The following MTA2 variants were observed in gnomAD, a reference collection of about 807,000 sequenced individuals.
MTA2 encodes the protein metastasis associated 1 family member 2, also known as metastasis-associated protein MTA2.
MTA2 carries 22 observed loss-of-function variants against 87.1 expected under a neutral mutation model. The ratio of observed to expected loss-of-function variants is 0.25; its 90% CI spans 0.18 to 0.36. MTA2 has a LOEUF of 0.36. Among genes scored for constraint, MTA2 ranks in the 10% least tolerant of loss-of-function variants. The pLI is 1.00. For missense variants in MTA2, 542 were observed against 853.2 expected, an observed-to-expected ratio of 0.64 and a Z score of 4.54; for synonymous variants, 314 against 310.1, an observed-to-expected ratio of 1.01 and a Z score of -0.13.
At chr11:62,600,498 A>C in intron 2 of MTA2, 124 bp downstream of exon 2, 3 of 963,986 alleles carry the variant, frequency 3.1e-6, no homozygotes. Flanking sequence ...TCCTGAATAC[A>C]TCCAATGAAT....
At chr11:62,601,204 C>A (rs1942188402) in intron 1 of MTA2, 1 of 584,428 alleles carries the variant, frequency 1.7e-6, no homozygotes, top group East Asian at 3.3e-5. Flanking sequence ...CCGAAAGTGC[C>A]GTCGGGGCTG....
rs575241333 is a variant in MTA2, at chr11:62,593,799, C to T, written c.*76G>A. 149 of 1,562,796 alleles carry T rather than the reference C, an allele frequency of 9.5e-5. 1 individual carries two copies. In the South Asian group the frequency reaches 1.2e-3, roughly 13 times the overall value. ...AATTCACTCCTCACTCCCTTCGACA[C>T]GAAAGGGAAGGGAGGTTTGGGTGCC... is the stretch of plus-strand genomic sequence containing the variant. On this transcript the variant is annotated 3_prime_UTR_variant, in exon 18 of 18. Coordinates refer to ENST00000278823, the MANE Select transcript of MTA2 (RefSeq NM_004739.4).
chr11:62,596,255 G>C, intron 11 of MTA2, 24 bp downstream of exon 11: 2 of 1,612,914 alleles, frequency 1.2e-6, no homozygotes, highest in South Asian at 2.2e-5. Context: ...AAACACTCTG[G>C]TCTCCCCTAC....
Position 62,595,443 on chromosome 11 carries a change from G to A in MTA2, c.1304C>T (p.Ser435Phe). Reference sequence around the variant, plus strand: ...CCTGTTGGCGCTGGTTGTGTAAGGAGAGAGACTTTGAGCTTCAGGTCTGGA... The same window carrying A: ...CCTGTTGGCGCTGGTTGTGTAAGGAAAGAGACTTTGAGCTTCAGGTCTGGA... Reference protein sequence around the residue: ...HLSRPEAQSLSPYTTSANRAK... With the variant: ...HLSRPEAQSLFPYTTSANRAK... Residue 435 changes from serine to phenylalanine, a missense_variant, in exon 14 of 18, where the codon TCT becomes TTT. Transcript: ENST00000278823. The surrounding 1 kb of genome is among the most constrained non-coding windows in gnomAD (Gnocchi z 4.9). 1 of 1,614,264 alleles carries A rather than the reference G, an allele frequency of 6.2e-7. No individual in the cohort carries two copies. The highest frequency in any genetic ancestry group is 8.5e-7 in the Non-Finnish European group (1 of 1,180,050).
In MTA2 at chr11:62,597,700, T is replaced by A. The variant is rs1479949080; in HGVS notation, c.503A>T (p.Asn168Ile). ...CATCTCCATCTTCTGCTGGTTCCGA[T>A]TATCAGATTCTCCTGGGGAAAAGAA... ...PDRLVEGESD[N>I]RNQQKMEMKV... Residue 168 changes from asparagine (N) to isoleucine (I), a missense_variant, in exon 7 of 18, where the codon AAT (asparagine) becomes ATT (isoleucine). Coordinates refer to ENST00000278823, the MANE Select transcript of MTA2 (RefSeq NM_004739.4). The A allele has an allele frequency of 6.2e-7, 1 of 1,613,914 alleles. No homozygotes were observed. Among genetic ancestry groups the A allele is most frequent in the Admixed American group, 1.7e-5 (1 of 59,984 alleles).
chr11:62,601,487 G>A lies in MTA2; in HGVS notation c.-37C>T. On this transcript the variant is annotated 5_prime_UTR_variant, in exon 1 of 18. Coordinates refer to ENST00000278823, the MANE Select transcript of MTA2 (RefSeq NM_004739.4). The stretch of plus-strand genomic sequence containing the variant: ...CCGCCGCCTCCGGCCGCACAAAGGG[G>A]TCCGGGAGGCTCGCGGGGGCAGGGC... The A allele has an allele frequency of 1.3e-6, 2 of 1,599,484 alleles. No homozygotes were observed. The highest frequency in any genetic ancestry group is 2.3e-5 in the East Asian group (1 of 43,448).
At position 62,595,241 on chromosome 11, in the gene MTA2, G is replaced by C; in HGVS notation, c.1483+23C>G. On this transcript the variant is annotated intron_variant, in intron 14 of 17. Transcript: ENST00000278823. The surrounding 1 kb of genome is among the most constrained non-coding windows in gnomAD (Gnocchi z 4.9). Reference sequence around the variant, plus strand: ...CAGAGCAATCCGAAACCCACCACCAGTCCCACCACTCCCTGCCCTTACACT... The same window carrying C: ...CAGAGCAATCCGAAACCCACCACCACTCCCACCACTCCCTGCCCTTACACT... 6.2e-7 allele frequency: 1 copy of C among 1,608,158 alleles called. No individual in the cohort carries two copies. Among genetic ancestry groups the C allele is most frequent in the Non-Finnish European group, 8.5e-7 (1 of 1,174,914 alleles).
At chr11:62,601,327 A>G in intron 1 of MTA2, 96 bp downstream of exon 1, 3 of 1,475,580 alleles carry the variant, frequency 2.0e-6, no homozygotes, top group South Asian at 2.4e-5. Flanking sequence ...ACGCTGCCCC[A>G]TACGCTGCGC....
rs753647576 is a variant in MTA2 at position 62,594,027 on chromosome 11, C to G, written c.1855G>C (p.Ala619Pro). 6.2e-7 allele frequency: 1 copy of G among 1,605,704 alleles called. No homozygotes were observed. ...ATKDTRALRK[A>P]LTHLEMRRAA... ...CGCCGCATTTCCAGATGGGTCAGAG[C>G]CTTCCGTAGGGCCCTGGCCAGAAAG... The change falls in exon 18 of 18, where the codon GCT (alanine) becomes CCT (proline). Residue 619 changes from alanine to proline, a missense_variant. Around this residue, in one of 6 missense-constraint regions of MTA2, gnomAD observed 269 missense variants for 346.4 expected, o/e 0.78. Transcript: ENST00000278823.
chr11:62,601,524 C>T lies in MTA2; in HGVS notation c.-74G>A. The T allele has an allele frequency of 6.5e-7, 1 of 1,541,100 alleles. No homozygotes were observed. Among genetic ancestry groups the T allele is most frequent in the Non-Finnish European group, 8.7e-7 (1 of 1,143,566 alleles). Reference sequence around the variant, plus strand: ...CGCGGGGGCAGGGCTCGGCTCGAGGCAAAGCCCCGAACGGTGGGCTGCCGC... The same window carrying T: ...CGCGGGGGCAGGGCTCGGCTCGAGGTAAAGCCCCGAACGGTGGGCTGCCGC... On this transcript the variant is annotated 5_prime_UTR_variant, in exon 1 of 18. Transcript: ENST00000278823.
Position 62,595,110 on chromosome 11 carries a change from T to G in MTA2, c.1484-40A>C, listed in dbSNP as rs1942079982. Reference sequence around the variant, plus strand: ...AGAAAGCTTCTGAAGGGCTTCACCATTCAGGTCTCCTCTAAGGCCAGAAGC... The same window carrying G: ...AGAAAGCTTCTGAAGGGCTTCACCAGTCAGGTCTCCTCTAAGGCCAGAAGC... On this transcript the variant is annotated intron_variant, in intron 14 of 17. Transcript: ENST00000278823. This position sits in a 1 kb window ranked among gnomAD's most constrained non-coding sequence, Gnocchi z 4.9. The G allele has an allele frequency of 6.2e-7, 1 of 1,603,416 alleles. No individual in the cohort carries two copies. The highest frequency in any genetic ancestry group is 8.5e-7 in the Non-Finnish European group (1 of 1,172,162).
chr11:62,596,290 G>A lies in MTA2; in HGVS notation c.1005C>T (p.Tyr335=), dbSNP rs367897433. The change falls in exon 11 of 18, where the codon TAC becomes TAT. Residue 335 remains tyrosine (Y), a synonymous_variant. Transcript: ENST00000278823. ...CCCACCACACTTACTAGGTGGGAAT[G>A]TAGACCTGTTTCAGTTTGCTGTCTG... ...AEADSKLKQV[Y]IPTYTKPNPN... 45 of 1,614,002 alleles carry A rather than the reference G, an allele frequency of 2.8e-5. No individual in the cohort carries two copies. The highest frequency in any genetic ancestry group is 3.3e-5 in the Non-Finnish European group (39 of 1,180,032).
At chr11:62,600,820 G>C (rs1942176410) in intron 1 of MTA2, 131 bp from the exon 2 acceptor site, 1 of 713,144 alleles carries the variant, frequency 1.4e-6, no homozygotes, top group African/African-American at 1.8e-5. Flanking sequence ...AGGGCGCTGA[G>C]ATGTGAAAGT....
Position 62,600,240 on chromosome 11 carries a change from T to G in MTA2, c.116A>C (p.Glu39Ala), listed in dbSNP as rs757257159. Residue 39 changes from glutamate (E) to alanine (A), a missense_variant, in exon 3 of 18, where the codon GAG becomes GCG. Physicochemically the swap from Glu to Ala is moderately radical, Grantham distance 107. Around this residue, in one of 6 missense-constraint regions of MTA2, gnomAD observed 150 missense variants for 243.9 expected, o/e 0.62. Coordinates refer to ENST00000278823, the MANE Select transcript of MTA2 (RefSeq NM_004739.4). ...CCGGAAAAGACAGACAACCTTTGCC[T>G]CCACATTTCCATTTGCAGTCTAAGG... ...ELNKTANGNV[E>A]AKVVCLFRRR... 6.2e-7 allele frequency: 1 copy of G among 1,614,122 alleles called. No homozygotes were observed. Among genetic ancestry groups the G allele is most frequent in the South Asian group, 1.1e-5 (1 of 91,086 alleles).
rs1489540695 is a variant in MTA2, at chr11:62,596,544, AGAGG to A, written c.883-16_883-13del. On this transcript the variant is annotated splice_polypyrimidine_tract_variant and intron_variant, in intron 9 of 17. Transcript: ENST00000278823. The stretch of plus-strand genomic sequence containing the variant: ...GACTTCCAGGGTAGCTAAGGGGGGC[AGAGG>A]GAGGAAGAATGAGCTGGCATCTGGC... 6.2e-7 allele frequency: 1 copy of A among 1,614,038 alleles called. No homozygotes were observed. Among genetic ancestry groups the A allele is most frequent in the African/African-American group, 1.3e-5 (1 of 75,056 alleles).
rs774591455 is a variant in MTA2 at position 62,595,347 on chromosome 11, C to T, written c.1400G>A (p.Arg467His). The T allele has an allele frequency of 9.3e-6, 15 of 1,614,108 alleles. No homozygotes were observed. The highest frequency in any genetic ancestry group is 1.1e-5 in the Non-Finnish European group (13 of 1,180,052). Residue 467 changes from arginine to histidine, a missense_variant, in exon 14 of 18, where the codon CGC becomes CAC. Physicochemically the swap from Arg to His is conservative, Grantham distance 29. Transcript: ENST00000278823. This position sits in a 1 kb window ranked among gnomAD's most constrained non-coding sequence, Gnocchi z 4.9. ...TGGCTGTAATAGGTCCCTGCACATG[C>T]GTCTGGCAAGACGGGTCAGCTTTGT... ...QTTKLTRLAR[R>H]MCRDLLQPRR...
intron 2 of MTA2, 21 bp downstream of exon 2, chr11:62,600,601 G>A: frequency 1.2e-6 from 2 of 1,609,158 alleles, no homozygotes; most frequent in Admixed American, 1.7e-5. Context: ...GAGGGAGGGA[G>A]AGGGATTCTG....
At chr11:62,598,280 G>C (rs746635450) in intron 5 of MTA2, 47 bp downstream of exon 5, 2 of 1,595,024 alleles carry the variant, frequency 1.3e-6, no homozygotes, top group Non-Finnish European at 1.7e-6. Flanking sequence ...TCTCTTTTGC[G>C]GGCAATACCC....
intron 6 of MTA2, 138 bp from the exon 7 acceptor site, chr11:62,597,850 C>T: frequency 2.0e-6 from 2 of 1,012,730 alleles, no homozygotes; most frequent in Non-Finnish European, 3.0e-6. Context: ...CCCAACTGTT[C>T]CCATTTTCCC....
Sources: allele counts gnomAD v4.1 joint callset, GRCh38; gene constraint gnomAD v4.1.1; regional missense constraint gnomAD v4.1.1; non-coding constraint Gnocchi (gnomAD v3.1); transcripts MANE v1.5; gene names NCBI Gene and HGNC (gene_info 2026-07-23, HGNC 2026-07-21).